The following GRID1 variants were observed in gnomAD, a reference collection of about 807,000 sequenced individuals.
GRID1 encodes glutamate ionotropic receptor delta type subunit 1, also known as glutamate receptor ionotropic, delta-1.
In GRID1, 28 loss-of-function variants were observed where a neutral mutation model predicts 98.0. That is an observed-to-expected ratio of 0.29 (90% CI 0.21 to 0.39). The LOEUF (loss-of-function observed/expected upper bound fraction) is 0.39, where lower values mean the gene tolerates loss of function less well. GRID1 is among the 10% of genes least tolerant of loss of function. GRID1 has a pLI of 1.00. For missense variants in GRID1, 1,111 were observed against 1,340.5 expected (o/e 0.83, Z 2.67); for synonymous variants, 553 against 538.5 (o/e 1.03, Z -0.37).
At chr10:85,968,579 C>T (rs752637082) in intron 4 of GRID1, among the ~76,000 whole-genome samples, 14 of 151,750 alleles carry the variant, frequency 9.2e-5, no homozygotes, top group Non-Finnish European at 1.8e-4. Context: ...GAAACAGCTA[C>T]ACTAAAGCAA....
chr10:86,208,719 G>A (rs1846068877), intron 2 of GRID1, among the ~76,000 whole-genome samples: 1 of 152,178 alleles, frequency 6.6e-6, no homozygotes. Flanking sequence ...GCTCCAGGAG[G>A]ACCAGGGTCA....
At chr10:86,038,749 T>G (rs537595203) in intron 4 of GRID1, among the ~76,000 whole-genome samples, 7 of 152,350 alleles carry the variant, frequency 4.6e-5, no homozygotes, top group African/African-American at 1.4e-4. Flanking sequence ...GTGTCACTTC[T>G]CTTTAACGTA....
intron 4 of GRID1, among the ~76,000 whole-genome samples, chr10:86,029,936 A>G (rs929669042): frequency 2.0e-5 from 3 of 152,222 alleles, no homozygotes; most frequent in Admixed American, 6.5e-5. Flanking sequence ...ATAATCTACT[A>G]TGTTACCCTT....
At chr10:85,661,825 G>C (rs1020439463) in intron 12 of GRID1, among the ~76,000 whole-genome samples, 9 of 152,198 alleles carry the variant, frequency 5.9e-5, no homozygotes, top group Admixed American at 2.0e-4. Context: ...TGGGAGAAGA[G>C]AGACTTCCAG....
intron 8 of GRID1, among the ~76,000 whole-genome samples, chr10:85,737,686 TTATATA>T (rs368871750): frequency 3.1e-5 from 3 of 95,560 alleles, no homozygotes; most frequent in Non-Finnish European, 4.5e-5. Context: ...ACATATATGG[TTATATA>T]TATATATATA....
intron 8 of GRID1, among the ~76,000 whole-genome samples, chr10:85,825,842 C>G (rs902333164): frequency 6.6e-6 from 1 of 151,666 alleles, no homozygotes; most frequent in Non-Finnish European, 1.5e-5. Flanking sequence ...GATTCACAAA[C>G]TGATTATCAA....
At chr10:85,720,940 A>AT (rs1042869405) in intron 12 of GRID1, among the ~76,000 whole-genome samples, 15 of 152,326 alleles carry the variant, frequency 9.8e-5, no homozygotes, top group Admixed American at 6.5e-4. Context: ...GTGGCAGCAA[A>AT]TATTTGCTGA....
At chr10:85,736,644 C>T (rs1284732632) in intron 8 of GRID1, among the ~76,000 whole-genome samples, 3 of 152,100 alleles carry the variant, frequency 2.0e-5, no homozygotes, top group Non-Finnish European at 4.4e-5. Context: ...AACAATAAGT[C>T]ATCTACTAGG....
intron 5 of GRID1, among the ~76,000 whole-genome samples, chr10:85,912,055 C>T (rs892188793): frequency 5.9e-5 from 9 of 152,222 alleles, no homozygotes; most frequent in Non-Finnish European, 1.3e-4. Context: ...ATTTGCTCTA[C>T]ACTATGTACA....
At chr10:85,659,008 T>C (rs908887523) in intron 12 of GRID1, among the ~76,000 whole-genome samples, 1 of 152,116 alleles carries the variant, frequency 6.6e-6, no homozygotes, top group Non-Finnish European at 1.5e-5. Flanking sequence ...AATGGAAAAA[T>C]GATAAGCTAT....
chr10:86,009,290 A>G (rs1300084489), intron 4 of GRID1, among the ~76,000 whole-genome samples: 3 of 152,126 alleles, frequency 2.0e-5, no homozygotes, highest in Non-Finnish European at 2.9e-5. Flanking sequence ...TCAACTCAAT[A>G]CCACAAACGA....
intron 4 of GRID1, among the ~76,000 whole-genome samples, chr10:85,962,571 G>A (rs567446729): frequency 6.6e-6 from 1 of 152,232 alleles, no homozygotes; most frequent in South Asian, 2.1e-4. Flanking sequence ...AGCACAACCT[G>A]GCCTCAAGGC....
chr10:86,319,171 G>A (rs1288170635), intron 2 of GRID1, among the ~76,000 whole-genome samples: 1 of 152,158 alleles, frequency 6.6e-6, no homozygotes, highest in Admixed American at 6.5e-5. Flanking sequence ...CAGGGAGAAA[G>A]GGAGTAGATG....
intron 8 of GRID1, among the ~76,000 whole-genome samples, chr10:85,811,896 C>T (rs570605521): frequency 7.2e-5 from 11 of 152,098 alleles, no homozygotes; most frequent in African/African-American, 2.4e-4. Flanking sequence ...TCCTCTCCCA[C>T]GTACATTAGA....
chr10:86,281,376 G>A (rs537513927), intron 2 of GRID1, among the ~76,000 whole-genome samples: 28 of 152,322 alleles, frequency 1.8e-4, no homozygotes, highest in Admixed American at 1.2e-3. Context: ...GAGGGGTTAT[G>A]GGGTACAGCA....
intron 3 of GRID1, among the ~76,000 whole-genome samples, chr10:86,177,636 C>T (rs946360717): frequency 2.0e-5 from 3 of 150,606 alleles, no homozygotes; most frequent in African/African-American, 7.3e-5. Context: ...GAGACTTTAG[C>T]ATGTGTATGC....
chr10:86,291,768 A>T (rs1191882797), intron 2 of GRID1, among the ~76,000 whole-genome samples: 1 of 152,168 alleles, frequency 6.6e-6, no homozygotes, highest in Non-Finnish European at 1.5e-5. Context: ...ATGCAAAGTG[A>T]CCATTCCATC....
rs182697196 is a variant in GRID1, at chr10:86,043,198, C to A, written c.726+95621G>T. Among the ~76,000 whole-genome samples, 21 of 152,284 alleles carry A rather than the reference C, an allele frequency of 1.4e-4. No individual in the cohort carries two copies. In the East Asian group the frequency reaches 3.9e-3, roughly 28 times the overall value. On this transcript the variant is annotated intron_variant, in intron 4 of 15. Coordinates refer to ENST00000327946, the MANE Select transcript of GRID1 (RefSeq NM_017551.3). ...CCCAACTGGGGAACATTCTCCCAAG[C>A]CCCAAGCCCCTCATCACAGGCAACC...
chr10:86,162,285 A>C (rs572453371), intron 3 of GRID1, among the ~76,000 whole-genome samples: 1 of 152,176 alleles, frequency 6.6e-6, no homozygotes, highest in Admixed American at 6.5e-5. Flanking sequence ...CCCAGAAGCA[A>C]AGACAGGAAA....
Sources: gnomAD v4.1 joint callset for allele counts (sites outside exome capture counted in the v4.1 genomes callset) on GRCh38, gnomAD v4.1.1 for gene constraint, MANE v1.5 for transcripts, NCBI Gene and HGNC (gene_info 2026-07-23, HGNC 2026-07-21) for gene names.